The following FTO variants were observed in gnomAD, a reference collection of about 807,000 sequenced individuals.
FTO encodes the protein alpha-ketoglutarate-dependent dioxygenase FTO.
In FTO, 47 loss-of-function variants were observed where a neutral mutation model predicts 63.9. The ratio of observed to expected loss-of-function variants is 0.74; its 90% CI spans 0.58 to 0.94. The LOEUF (loss-of-function observed/expected upper bound fraction) is 0.94, where lower values mean the gene tolerates loss of function less well. Ranked by LOEUF, FTO falls within the 40% of genes least tolerant of loss-of-function variation. FTO has a pLI of 0.00. For synonymous variants in FTO, 207 were observed against 224.4 expected, an observed-to-expected ratio of 0.92 and a Z score of 0.69; for missense variants, 562 against 618.1, an observed-to-expected ratio of 0.91 and a Z score of 0.96.
intron 8 of FTO, among the ~76,000 whole-genome samples, chr16:53,968,118 T>C (rs868226539): frequency 6.6e-6 from 1 of 152,226 alleles, no homozygotes; most frequent in Admixed American, 6.5e-5. Flanking sequence ...TATATACACA[T>C]TGCACATACA....
At chr16:53,732,268 G>T (rs1205936323) in intron 1 of FTO, among the ~76,000 whole-genome samples, 1 of 150,854 alleles carries the variant, frequency 6.6e-6, no homozygotes, top group Non-Finnish European at 1.5e-5. Flanking sequence ...AGCCAGCATG[G>T]TCTCGATCTC....
chr16:54,108,525 T>A (rs2086806986), intron 8 of FTO, among the ~76,000 whole-genome samples: 1 of 152,140 alleles, frequency 6.6e-6, no homozygotes, highest in African/African-American at 2.4e-5. Context: ...AGAAGGAGTC[T>A]GTCTAGAGGC....
At chr16:54,064,080 C>A (rs539015079) in intron 8 of FTO, 1 of 151,800 alleles carries the variant, frequency 6.6e-6, no homozygotes, top group East Asian at 1.9e-4. Flanking sequence ...CTTTACTTAT[C>A]CTGCTAGTTT....
At chr16:54,071,472 G>T in intron 8 of FTO, 1 of 152,380 alleles carries the variant, frequency 6.6e-6, no homozygotes, top group Non-Finnish European at 1.5e-5. Flanking sequence ...CCCTTGGACT[G>T]TTTAGGAGGG....
intron 8 of FTO, among the ~76,000 whole-genome samples, chr16:53,936,798 A>C (rs1486851120): frequency 6.6e-6 from 1 of 152,234 alleles, no homozygotes; most frequent in African/African-American, 2.4e-5. Flanking sequence ...TATATTGCAC[A>C]TTAGAGAGTG....
chr16:53,755,767 A>C (rs1312320309), intron 1 of FTO, among the ~76,000 whole-genome samples: 4 of 152,152 alleles, frequency 2.6e-5, no homozygotes, highest in Non-Finnish European at 4.4e-5. Context: ...TTTAAGAGAA[A>C]GCTGGTGTAT....
intron 8 of FTO, chr16:54,072,630 A>G (rs951275121): frequency 3.3e-5 from 5 of 152,416 alleles, no homozygotes; most frequent in South Asian, 2.1e-4. Context: ...CTTTGAAATA[A>G]AAGCAGACTC....
intron 1 of FTO, among the ~76,000 whole-genome samples, chr16:53,720,639 A>G (rs955191747): frequency 2.5e-4 from 36 of 145,298 alleles, no homozygotes; most frequent in African/African-American, 8.3e-4. Flanking sequence ...TTTTATATAT[A>G]TAAAATATAT....
chr16:54,002,051 T>C (rs2084081008), intron 8 of FTO, among the ~76,000 whole-genome samples: 1 of 152,292 alleles, frequency 6.6e-6, no homozygotes, highest in African/African-American at 2.4e-5. Flanking sequence ...CTAAAGGCAA[T>C]TGGTTGGGAG....
Position 53,826,225 on chromosome 16 carries a change from A to G in FTO, c.485A>G (p.Lys162Arg), listed in dbSNP as rs1292567537. The G allele has an allele frequency of 6.2e-7, 1 of 1,614,244 alleles. No homozygotes were observed. Among genetic ancestry groups the G allele is most frequent in the South Asian group, 1.1e-5 (1 of 91,084 alleles). ...TTGGAAGAACTTGCTGCCAAAGAGA[A>G]GGCTAATGAGGATGCTGTGCCATTG... is the stretch of plus-strand genomic sequence containing the variant. ...QALEELAAKE[K>R]ANEDAVPLCM... Residue 162 changes from lysine to arginine, a missense_variant, in exon 3 of 9, where the codon AAG becomes AGG. Lys to Arg is a conservative substitution (Grantham distance 26). Transcript: ENST00000471389.
chr16:54,074,917 A>AGTGTGT (rs3040381), intron 8 of FTO, among the ~76,000 whole-genome samples: 24 of 134,262 alleles, frequency 1.8e-4, no homozygotes, highest in South Asian at 1.0e-3. Flanking sequence ...AGAGAGAGAG[A>AGTGTGT]GTGTGTGTGT....
At chr16:53,965,515 C>T (rs2083178865) in intron 8 of FTO, among the ~76,000 whole-genome samples, 1 of 152,152 alleles carries the variant, frequency 6.6e-6, no homozygotes, top group African/African-American at 2.4e-5. Context: ...CCCTTCCCCA[C>T]CCAAGGGCAA....
At chr16:53,972,253 C>T (rs980675411) in intron 8 of FTO, among the ~76,000 whole-genome samples, 1 of 151,828 alleles carries the variant, frequency 6.6e-6, no homozygotes, top group Non-Finnish European at 1.5e-5. Context: ...AACTAAGGCT[C>T]GGAGTATTGG....
At chr16:53,779,473 C>T (rs1013691855) in intron 1 of FTO, among the ~76,000 whole-genome samples, 11 of 152,114 alleles carry the variant, frequency 7.2e-5, no homozygotes, top group Non-Finnish European at 1.3e-4. Context: ...TTTAACAGTC[C>T]AGCTCCTTTA....
At chr16:54,062,736 G>C (rs1387820458) in intron 8 of FTO, among the ~76,000 whole-genome samples, 1 of 152,180 alleles carries the variant, frequency 6.6e-6, no homozygotes, top group African/African-American at 2.4e-5. Context: ...TCTGGGGACA[G>C]TTTTGTCACC....
intron 8 of FTO, among the ~76,000 whole-genome samples, chr16:53,960,716 G>GT (rs2083056393): frequency 1.3e-5 from 2 of 150,836 alleles, no homozygotes; most frequent in Non-Finnish European, 1.5e-5. Flanking sequence ...AGAAATGGGG[G>GT]TGGGGGGGGC....
At chr16:53,735,659 A>G (rs896534682) in intron 1 of FTO, among the ~76,000 whole-genome samples, 2 of 152,250 alleles carry the variant, frequency 1.3e-5, no homozygotes, top group Non-Finnish European at 2.9e-5. Flanking sequence ...TTCCAGCAGC[A>G]GCTCAGGAAG....
intron 8 of FTO, among the ~76,000 whole-genome samples, chr16:53,958,924 C>T (rs1013451010): frequency 1.7e-4 from 26 of 152,304 alleles, no homozygotes; most frequent in Admixed American, 1.5e-3. Flanking sequence ...CCTCAGGAAG[C>T]TTAAACTCAG....
chr16:53,864,058 C>A (rs1181991957), intron 4 of FTO, among the ~76,000 whole-genome samples: 1 of 152,206 alleles, frequency 6.6e-6, no homozygotes, highest in Non-Finnish European at 1.5e-5. Flanking sequence ...TGCCAGGAAC[C>A]TTCCCCTCCC....
Sources: gnomAD v4.1 joint callset for allele counts (sites outside exome capture counted in the v4.1 genomes callset) on GRCh38, gnomAD v4.1.1 for gene constraint, MANE v1.5 for transcripts, NCBI Gene and HGNC (gene_info 2026-07-23, HGNC 2026-07-21) for gene names.